The following TENM3 variants were observed in gnomAD, a reference collection of about 807,000 sequenced individuals.
TENM3 encodes the protein teneurin-3.
A neutral mutation model predicts 255.1 loss-of-function variants in TENM3; 63 were observed. The observed-to-expected ratio is 0.25, with a 90% CI of 0.20 to 0.30. TENM3 has a LOEUF of 0.30. Ranked by LOEUF, TENM3 falls within the 10% of genes least tolerant of loss-of-function variation. The probability of loss-of-function intolerance (pLI) is 1.00; values close to 1 mark genes in which losing one functional copy is unlikely to be tolerated. For missense variants in TENM3, 2,929 were observed against 3,461.1 expected (o/e 0.85, Z 3.86); for synonymous variants, 1,306 against 1,322.3 (o/e 0.99, Z 0.27).
At chr4:181,582,677 A>C in the TENM3 span, among the ~76,000 whole-genome samples, 1 of 147,166 alleles carries the variant, frequency 6.8e-6, no homozygotes, top group Non-Finnish European at 1.5e-5. Context: ...ATCAAAAAAA[A>C]AAAAAAAAAG....
At chr4:182,119,019 T>C in the TENM3 span, among the ~76,000 whole-genome samples, 2 of 152,288 alleles carry the variant, frequency 1.3e-5, no homozygotes, top group African/African-American at 4.8e-5. Context: ...CGTAGTCCCA[T>C]GACAGGGTCT....
rs767551607 is a variant in TENM3, at chr4:182,679,819, G to T, written c.1480G>T (p.Ala494Ser). 3 of 1,613,812 alleles carry T rather than the reference G, an allele frequency of 1.9e-6. No individual in the cohort carries two copies. Among genetic ancestry groups the T allele is most frequent in the Middle Eastern group, 3.3e-4 (2 of 6,060 alleles). Residue 494 changes from alanine to serine, a missense_variant, in exon 8 of 28, where the codon GCT becomes TCT. Ala to Ser is a moderately conservative substitution (Grantham distance 99, BLOSUM62 1). This residue lies in a region of TENM3 where 1,608 missense variants were observed against 1,884.4 expected (regional missense o/e 0.85). Coordinates refer to ENST00000511685, the MANE Select transcript of TENM3 (RefSeq NM_001080477.4). ...CTTGGATTCTGGAATCTGGCATCTG[G>T]CTTTTTATAATGATGGGAAAAATGC... The part of the protein sequence containing the change: ...QYLDSGIWHL[A>S]FYNDGKNAEQ...
chr4:182,416,391 T>C (rs1019283927), intron 3 of TENM3, among the ~76,000 whole-genome samples: 121 of 152,254 alleles, frequency 7.9e-4, no homozygotes, highest in African/African-American at 2.7e-3. Flanking sequence ...TAATCTTTTT[T>C]CTTCCTTGTG....
At chr4:182,348,906 C>T (rs189042916) in intron 3 of TENM3, among the ~76,000 whole-genome samples, 13 of 152,186 alleles carry the variant, frequency 8.5e-5, no homozygotes, top group East Asian at 3.9e-4. Context: ...CCTCACCATT[C>T]GCATGGATTA....
chr4:181,878,725 CATCT>C, the TENM3 span, among the ~76,000 whole-genome samples: 7 of 151,974 alleles, frequency 4.6e-5, no homozygotes, highest in Non-Finnish European at 8.8e-5. Flanking sequence ...TCTATCATAT[CATCT>C]ATCTATCATC....
At chr4:181,456,127 A>ATGTGTGTGTGTGTG in the TENM3 span, among the ~76,000 whole-genome samples, 7 of 141,744 alleles carry the variant, frequency 4.9e-5, no homozygotes, top group South Asian at 6.8e-4. Flanking sequence ...ATATATATAT[A>ATGTGTGTGTGTGTG]TGTGTGTGTG....
In TENM3 at chr4:182,159,574, C is replaced by T. The variant is rs142951344; in HGVS notation, c.-76+14820C>T. ...GAAGAATGACCACAACGCAGTCACACAGCTCCTGCGCTGTATTTGGCCTGT... is the reference window on the plus strand; with the variant it reads ...GAAGAATGACCACAACGCAGTCACATAGCTCCTGCGCTGTATTTGGCCTGT... On this transcript the variant is annotated intron_variant, in intron 1 of 2. Transcript: ENST00000512480. Among the ~76,000 whole-genome samples the T allele has an allele frequency of 4.5e-3, 690 of 152,232 alleles. 8 individuals are homozygous for T. The highest frequency in any genetic ancestry group is 0.016 in the African/African-American group (652 of 41,532).
the TENM3 span, among the ~76,000 whole-genome samples, chr4:181,556,886 T>C: frequency 6.6e-6 from 1 of 152,214 alleles, no homozygotes; most frequent in Admixed American, 6.5e-5. Flanking sequence ...TTCAGCGTAA[T>C]GAGAAAACGT....
intron 1 of TENM3, among the ~76,000 whole-genome samples, chr4:182,303,843 G>A (rs951033587): frequency 5.3e-5 from 8 of 152,142 alleles, no homozygotes; most frequent in Admixed American, 2.0e-4. Context: ...CCACATGGCC[G>A]TAGGATCCTC....
At chr4:181,916,706 G>A in the TENM3 span, among the ~76,000 whole-genome samples, 8 of 152,112 alleles carry the variant, frequency 5.3e-5, no homozygotes, top group Non-Finnish European at 7.4e-5. Context: ...GTGAAACCCC[G>A]TCTCTACTAA....
At chr4:182,415,556 G>A (rs1031540968) in intron 3 of TENM3, among the ~76,000 whole-genome samples, 1 of 152,122 alleles carries the variant, frequency 6.6e-6, no homozygotes, top group Non-Finnish European at 1.5e-5. Flanking sequence ...AAGAGAGGGA[G>A]ACTGGGAAGG....
At chr4:181,834,069 A>G in the TENM3 span, among the ~76,000 whole-genome samples, 1 of 152,082 alleles carries the variant, frequency 6.6e-6, no homozygotes, top group South Asian at 2.1e-4. Flanking sequence ...AGATTCATAC[A>G]TGCAGCAGGA....
intron 3 of TENM3, among the ~76,000 whole-genome samples, chr4:182,592,128 C>CT (rs77448760): frequency 0.012 from 1,656 of 137,626 alleles, 32 homozygotes; most frequent in East Asian, 0.06. Context: ...TTCTTTTCTT[C>CT]TTTTTTTTTT....
chr4:182,581,271 A>C (rs771769517), intron 3 of TENM3, among the ~76,000 whole-genome samples: 3 of 152,226 alleles, frequency 2.0e-5, no homozygotes, highest in Non-Finnish European at 4.4e-5. Flanking sequence ...GTGTATGATC[A>C]AAGTAAGAAA....
chr4:182,352,733 A>T (rs1765267118), intron 3 of TENM3, among the ~76,000 whole-genome samples: 2 of 152,168 alleles, frequency 1.3e-5, no homozygotes, highest in Admixed American at 1.3e-4. Context: ...TTCTGTATGG[A>T]GAGATAAAGT....
At chr4:182,144,808 CCGG>C (rs1749806316) in intron 1 of TENM3, 1 of 150,862 alleles carries the variant, frequency 6.6e-6, no homozygotes, top group Non-Finnish European at 1.5e-5. Context: ...GGTCCTAGTG[CCGG>C]GCCGCGGCGC....
intron 1 of TENM3, among the ~76,000 whole-genome samples, chr4:182,159,296 G>A (rs1750928072): frequency 6.6e-6 from 1 of 152,204 alleles, no homozygotes; most frequent in African/African-American, 2.4e-5. Context: ...TGAAGTTGAA[G>A]TCCATCTGTA....
the TENM3 span, among the ~76,000 whole-genome samples, chr4:182,043,412 T>C: frequency 2.6e-5 from 4 of 152,330 alleles, no homozygotes; most frequent in African/African-American, 9.6e-5. Flanking sequence ...TTTTGCACTA[T>C]ATTTTGTACA....
intron 4 of TENM3, among the ~76,000 whole-genome samples, chr4:182,628,231 C>T (rs897361806): frequency 1.3e-5 from 2 of 152,142 alleles, no homozygotes; most frequent in Non-Finnish European, 2.9e-5. Context: ...AGCGCATAGT[C>T]TCATGAGTAG....
Sources: allele counts gnomAD v4.1 joint callset (sites outside exome capture counted in the v4.1 genomes callset), GRCh38; gene constraint gnomAD v4.1.1; regional missense constraint gnomAD v4.1.1; transcripts MANE v1.5; gene names NCBI Gene and HGNC (gene_info 2026-07-23, HGNC 2026-07-21).